SLC16A4: variants seen among roughly 807,000 people sequenced by gnomAD.
SLC16A4 encodes solute carrier family 16 member 4, also known as probable monocarboxylate transporter 5.
SLC16A4 carries 39 observed loss-of-function variants against 47.9 expected under a neutral mutation model. The observed-to-expected ratio is 0.81, with a 90% confidence interval of 0.63 to 1.06. The LOEUF (loss-of-function observed/expected upper bound fraction) is 1.06, where lower values mean the gene tolerates loss of function less well. Among genes scored for constraint, SLC16A4 ranks in the 50% least tolerant of loss-of-function variants. The pLI is 0.00. For synonymous variants in SLC16A4, 189 were observed against 199.9 expected, an observed-to-expected ratio of 0.95 and a Z score of 0.46; for missense variants, 524 against 573.8, an observed-to-expected ratio of 0.91 and a Z score of 0.89.
chr1:110,363,747 G>T lies in SLC16A4; in HGVS notation c.*19C>A. 1 of 1,589,334 alleles carries T rather than the reference G, an allele frequency of 6.3e-7. No individual in the cohort carries two copies. Among genetic ancestry groups the T allele is most frequent in the South Asian group, 1.2e-5 (1 of 85,402 alleles). Reference sequence around the variant, plus strand: ...GTTTTCTTTTGTTTAGCTCTCACTTGATTGCAGTCTTCTTTCTTTCAGGTC... The same window carrying T: ...GTTTTCTTTTGTTTAGCTCTCACTTTATTGCAGTCTTCTTTCTTTCAGGTC... On this transcript the variant is annotated 3_prime_UTR_variant, in exon 9 of 9. Coordinates refer to ENST00000369779, the MANE Select transcript of SLC16A4 (RefSeq NM_004696.3).
intron 8 of SLC16A4, among the ~76,000 whole-genome samples, chr1:110,368,726 A>G (rs1557901584): frequency 6.6e-6 from 1 of 151,954 alleles, no homozygotes; most frequent in African/African-American, 2.4e-5. Context: ...GGTGCAAACC[A>G]TTTTTTTTAC....
rs746239545 is a variant in SLC16A4, at chr1:110,375,600, T to C, written c.1243-49A>G. 3.0e-6 allele frequency: 3 copies of C among 998,950 alleles called. No homozygotes were observed. In the South Asian group the frequency reaches 3.9e-5, roughly 13 times the overall value. The allele number at this position is 998,950 out of a possible 1,614,324, so 61.9% of individuals were successfully genotyped here. A position where few individuals can be genotyped will look rare whatever the true frequency, so the allele number is the denominator to read the frequency against. On this transcript the variant is annotated intron_variant, in intron 7 of 8. Transcript: ENST00000369779. ...TAGCCATATTAAGGGTGAAATTCTATAGAGACCTATGCCTAAAAGGGACAA... is the reference window on the plus strand; with the variant it reads ...TAGCCATATTAAGGGTGAAATTCTACAGAGACCTATGCCTAAAAGGGACAA...
chr1:110,389,954 G>A (rs1662946164), intron 1 of SLC16A4, among the ~76,000 whole-genome samples: 1 of 152,156 alleles, frequency 6.6e-6, no homozygotes, highest in South Asian at 2.1e-4. Flanking sequence ...CACTATCTGG[G>A]TGAGGGGTTC....
intron 7 of SLC16A4, among the ~76,000 whole-genome samples, chr1:110,376,371 C>A (rs1028276015): frequency 1.5e-4 from 23 of 152,068 alleles, no homozygotes; most frequent in Admixed American, 5.2e-4. Context: ...ATGTTTAGGT[C>A]CTGGTTCTAA....
At chr1:110,389,593 A>G (rs1662920824) in intron 1 of SLC16A4, among the ~76,000 whole-genome samples, 1 of 152,212 alleles carries the variant, frequency 6.6e-6, no homozygotes, top group African/African-American at 2.4e-5. Flanking sequence ...AAAAAGCCAC[A>G]TGCACTTTTA....
At chr1:110,384,843 T>C (rs1017141839) in intron 2 of SLC16A4, among the ~76,000 whole-genome samples, 1 of 152,128 alleles carries the variant, frequency 6.6e-6, no homozygotes, top group African/African-American at 2.4e-5. Flanking sequence ...AAACCCCGTC[T>C]CTACAAAAAG....
chr1:110,387,755 G>A (rs936811592), intron 2 of SLC16A4, among the ~76,000 whole-genome samples: 2 of 92,766 alleles, frequency 2.2e-5, no homozygotes, highest in African/African-American at 8.5e-5. Flanking sequence ...GATTTAGGGG[G>A]GTGGCCCAGC....
Position 110,380,058 on chromosome 1 carries a change from C to CAAAAAAAAAAAAAAAAAAAAAA in SLC16A4, c.527-703_527-702insTTTTTTTTTTTTTTTTTTTTTT, listed in dbSNP as rs542273389. On this transcript the variant is annotated intron_variant, in intron 5 of 8. Coordinates refer to ENST00000369779, the MANE Select transcript of SLC16A4 (RefSeq NM_004696.3). ...AATGACAAAGCGAGAGAGCCTGTCT[C>CAAAAAAAAAAAAAAAAAAAAAA]AAAAAAAAAAAAAAAGCAGCGGGAG... 5.6e-4 allele frequency among the ~76,000 whole-genome samples: 54 copies of CAAAAAAAAAAAAAAAAAAAAAA among 96,222 alleles called. 2 individuals carry two copies. The highest frequency in any genetic ancestry group is 2.1e-3 in the East Asian group (4 of 1,936). The allele number at this position is 96,222 out of a possible 152,430, so 63.1% of individuals were successfully genotyped here.
At chr1:110,389,769 T>C (rs1662931679) in intron 1 of SLC16A4, among the ~76,000 whole-genome samples, 1 of 118,940 alleles carries the variant, frequency 8.4e-6, no homozygotes, top group Non-Finnish European at 2.0e-5. Context: ...TGGATGCAGC[T>C]GGACCATTAT....
chr1:110,372,384 T>A (rs1422240658), intron 8 of SLC16A4: 1 of 152,206 alleles, frequency 6.6e-6, no homozygotes, highest in African/African-American at 2.4e-5. Context: ...GTTCTGAAGA[T>A]CTAAGTTTGG....
chr1:110,387,208 C>T lies in SLC16A4; in HGVS notation c.87+2029G>A, dbSNP rs377345544. Among the ~76,000 whole-genome samples, 45 of 152,234 alleles carry T rather than the reference C, an allele frequency of 3.0e-4. No individual in the cohort carries two copies. In the South Asian group the frequency reaches 4.8e-3, roughly 16 times the overall value. On this transcript the variant is annotated intron_variant, in intron 2 of 8. Transcript: ENST00000369779. The stretch of plus-strand genomic sequence containing the variant: ...AGGCTGTATACTGGCACTGGGCTTA[C>T]GGTAATGAGCATATACTCATGAGCA...
At chr1:110,365,951 C>A (rs2100977000) in intron 8 of SLC16A4, among the ~76,000 whole-genome samples, 1 of 152,082 alleles carries the variant, frequency 6.6e-6, no homozygotes, top group South Asian at 2.1e-4. Context: ...TCTTTCTTTT[C>A]TTTTCTTTTT....
At chr1:110,372,752 G>A (rs1283180235) in intron 8 of SLC16A4, 3 of 152,142 alleles carry the variant, frequency 2.0e-5, no homozygotes, top group Admixed American at 2.0e-4. Flanking sequence ...AGCTTCCTTT[G>A]ACTTTTTTGT....
At chr1:110,388,260 C>G (rs814759) in intron 2 of SLC16A4, among the ~76,000 whole-genome samples, 123,185 of 152,102 alleles carry the variant, frequency 0.81, 50,358 homozygotes, top group African/African-American at 0.92. Context: ...GATCACCACT[C>G]TCACACCTCA....
At chr1:110,370,228 T>C (rs1225358512) in intron 8 of SLC16A4, 1 of 152,160 alleles carries the variant, frequency 6.6e-6, no homozygotes. Flanking sequence ...ATACATAAAA[T>C]ATTTACTTTT....
intron 8 of SLC16A4, among the ~76,000 whole-genome samples, chr1:110,373,926 C>T (rs1334270437): frequency 6.7e-6 from 1 of 150,358 alleles, no homozygotes; most frequent in African/African-American, 2.4e-5. Flanking sequence ...ATCCTCCCAC[C>T]TTGGCCTCCC....
intron 2 of SLC16A4, among the ~76,000 whole-genome samples, chr1:110,386,051 G>A (rs1368104233): frequency 6.6e-6 from 1 of 152,178 alleles, no homozygotes; most frequent in Admixed American, 6.5e-5. Flanking sequence ...TGGGTTCTGT[G>A]CTGGTGTCTA....
chr1:110,379,215 T>C lies in SLC16A4; in HGVS notation c.668A>G (p.His223Arg), dbSNP rs753943457. The stretch of plus-strand genomic sequence containing the variant: ...CTCATGGCAGTGTGTTTCTGTTGCA[T>C]GTGCCTCTGGACCATGTGCAGACAA... ...SSLSAHGPEA[H>R]ATETHCHETE... The change falls in exon 6 of 9, where the codon CAT becomes CGT. Residue 223 changes from histidine to arginine, a missense_variant. By Grantham distance (29) the His-to-Arg change is conservative. Transcript: ENST00000369779. The C allele has an allele frequency of 3.1e-6, 5 of 1,614,220 alleles. No homozygotes were observed. In the South Asian group the frequency reaches 5.5e-5, roughly 18 times the overall value.
chr1:110,366,137 T>TTC (rs1423456527), intron 8 of SLC16A4, among the ~76,000 whole-genome samples: 3 of 115,478 alleles, frequency 2.6e-5, no homozygotes, highest in East Asian at 2.3e-4. Flanking sequence ...CACACACTCT[T>TTC]TCTCTCTCTC....
Sources: allele counts gnomAD v4.1 joint callset (sites outside exome capture counted in the v4.1 genomes callset), GRCh38; gene constraint gnomAD v4.1.1; transcripts MANE v1.5; gene names NCBI Gene and HGNC (gene_info 2026-07-23, HGNC 2026-07-21).